Variants in CDH2 observed in about 807,000 individuals in gnomAD.
CDH2 encodes the protein cadherin 2.
Under a neutral mutation model 92.0 loss-of-function variants are expected in CDH2, and 17 were observed. That is an observed-to-expected ratio of 0.18 (90% CI 0.13 to 0.28). The LOEUF (loss-of-function observed/expected upper bound fraction) is 0.28, where lower values mean the gene tolerates loss of function less well. Among genes scored for constraint, CDH2 ranks in the 10% least tolerant of loss-of-function variants. The pLI is 1.00. For synonymous variants in CDH2, 419 were observed against 415.9 expected, an observed-to-expected ratio of 1.01 and a Z score of -0.09; for missense variants, 862 against 1,133.1, an observed-to-expected ratio of 0.76 and a Z score of 3.44.
intron 2 of CDH2, among the ~76,000 whole-genome samples, chr18:28,108,323 C>T (rs964289627): frequency 6.6e-6 from 1 of 152,178 alleles, no homozygotes; most frequent in Non-Finnish European, 1.5e-5. Flanking sequence ...AAACATTCTA[C>T]AGAAAAGCAT....
intron 2 of CDH2, among the ~76,000 whole-genome samples, chr18:28,042,271 T>C (rs1332234116): frequency 6.6e-6 from 1 of 152,182 alleles, no homozygotes; most frequent in Non-Finnish European, 1.5e-5. Context: ...GCATTGGAAT[T>C]AGGGAAATAA....
chr18:28,076,721 T>A (rs1208361907), intron 2 of CDH2, among the ~76,000 whole-genome samples: 1 of 125,958 alleles, frequency 7.9e-6, no homozygotes, highest in Admixed American at 9.5e-5. Flanking sequence ...CCCCGGTGTG[T>A]GATGTTCCCC....
intron 2 of CDH2, among the ~76,000 whole-genome samples, chr18:28,144,621 T>C (rs992357873): frequency 6.6e-6 from 1 of 151,872 alleles, no homozygotes; most frequent in African/African-American, 2.4e-5. Flanking sequence ...GCACTACATA[T>C]AAGAGAGGAA....
chr18:28,049,221 T>C (rs779398223), intron 2 of CDH2, among the ~76,000 whole-genome samples: 1 of 152,174 alleles, frequency 6.6e-6, no homozygotes, highest in South Asian at 2.1e-4. Context: ...AAGTGGCAAA[T>C]GGCAAATCCA....
intron 2 of CDH2, among the ~76,000 whole-genome samples, chr18:28,014,201 T>C (rs890453726): frequency 5.3e-5 from 8 of 152,210 alleles, no homozygotes; most frequent in Non-Finnish European, 7.4e-5. Flanking sequence ...CCTGACACCT[T>C]TCACTGGTAT....
chr18:28,177,126 A>T lies in CDH2; in HGVS notation c.-104T>A, dbSNP rs1294567501. 5.0e-6 allele frequency: 4 copies of T among 798,014 alleles called. No homozygotes were observed. Among genetic ancestry groups the T allele is most frequent in the Non-Finnish European group, 7.6e-6 (4 of 524,620 alleles). 49.4% of individuals were successfully genotyped at this position (798,014 alleles called of 1,614,324 possible). A position where few individuals can be genotyped will look rare whatever the true frequency, so the allele number is the denominator to read the frequency against. On this transcript the variant is annotated 5_prime_UTR_variant, in exon 1 of 16. Coordinates refer to ENST00000269141, the MANE Select transcript of CDH2 (RefSeq NM_001792.5). ...GCAGCACCAACAGCGGCGCGGAGAAACGGCTCCAGGCAGTTTCCACCCCCT... is the reference window on the plus strand; with the variant it reads ...GCAGCACCAACAGCGGCGCGGAGAATCGGCTCCAGGCAGTTTCCACCCCCT...
At chr18:28,008,693 G>A (rs1336248931) in intron 5 of CDH2, among the ~76,000 whole-genome samples, 1 of 151,696 alleles carries the variant, frequency 6.6e-6, no homozygotes, top group African/African-American at 2.4e-5. Context: ...ATGTATACAT[G>A]TGACAAACCT....
At chr18:28,044,615 C>T (rs536652900) in intron 2 of CDH2, among the ~76,000 whole-genome samples, 1 of 152,202 alleles carries the variant, frequency 6.6e-6, no homozygotes, top group South Asian at 2.1e-4. Context: ...TGCATACATG[C>T]CTTGCTTCCC....
intron 2 of CDH2, among the ~76,000 whole-genome samples, chr18:28,089,515 AT>A (rs1251857945): frequency 6.6e-6 from 1 of 152,090 alleles, no homozygotes; most frequent in African/African-American, 2.4e-5. Flanking sequence ...TTCCATAATC[AT>A]TTTTTTAACA....
chr18:28,145,570 GA>G (rs2016022815), intron 2 of CDH2, among the ~76,000 whole-genome samples: 1 of 151,982 alleles, frequency 6.6e-6, no homozygotes, highest in Admixed American at 6.6e-5. Flanking sequence ...ACTCCAAAAA[GA>G]TGTAAAAGGT....
chr18:28,131,230 AT>A (rs952808767), intron 2 of CDH2, among the ~76,000 whole-genome samples: 6 of 151,976 alleles, frequency 3.9e-5, no homozygotes, highest in African/African-American at 1.2e-4. Context: ...TATCATCTTG[AT>A]TTTTTTTCAA....
chr18:28,111,172 G>C (rs45612936), intron 2 of CDH2, among the ~76,000 whole-genome samples: 150 of 152,298 alleles, frequency 9.8e-4, no homozygotes, highest in Non-Finnish European at 1.9e-3. Context: ...AATGCTGCCA[G>C]GGAAGAAAAC....
chr18:28,061,219 G>A (rs189114551), intron 2 of CDH2, among the ~76,000 whole-genome samples: 72 of 152,114 alleles, frequency 4.7e-4, no homozygotes, highest in Admixed American at 2.9e-3. Context: ...TCATTATCTT[G>A]GTTTTGTTTT....
At chr18:28,047,598 G>A (rs1285712234) in intron 2 of CDH2, among the ~76,000 whole-genome samples, 4 of 152,124 alleles carry the variant, frequency 2.6e-5, no homozygotes, top group East Asian at 1.9e-4. Flanking sequence ...GCCGGGCGCG[G>A]TGGCTCACGC....
Position 27,951,712 on chromosome 18 carries a change from T to C in CDH2, c.*441A>G, listed in dbSNP as rs575048854. 6.4e-6 allele frequency: 1 copy of C among 157,444 alleles called. No individual in the cohort carries two copies. The highest frequency in any genetic ancestry group is 1.9e-4 in the South Asian group (1 of 5,274). 9.8% of individuals were successfully genotyped at this position (157,444 alleles called of 1,614,324 possible). A position where few individuals can be genotyped will look rare whatever the true frequency, so the allele number is the denominator to read the frequency against. ...TCATCCCCCAAGATAATAAAATCGC[T>C]CCATGAGTTTTTTTGTTTGTTTAAT... On this transcript the variant is annotated 3_prime_UTR_variant, in exon 16 of 16. Transcript: ENST00000269141.
chr18:28,045,674 C>T (rs1008439960), intron 2 of CDH2: 4 of 273,992 alleles, frequency 1.5e-5, no homozygotes, highest in Non-Finnish European at 1.4e-5. Flanking sequence ...AGCCCTCCCC[C>T]ACATGTGTGC....
At chr18:28,068,573 T>C (rs1306163726) in intron 2 of CDH2, among the ~76,000 whole-genome samples, 1 of 152,220 alleles carries the variant, frequency 6.6e-6, no homozygotes, top group Non-Finnish European at 1.5e-5. Context: ...GCAGATATTC[T>C]GTATTAAAAG....
intron 14 of CDH2, among the ~76,000 whole-genome samples, chr18:27,974,584 G>A (rs2011763092): frequency 6.6e-6 from 1 of 152,214 alleles, no homozygotes; most frequent in Admixed American, 6.5e-5. Flanking sequence ...GGGTTGGTAT[G>A]AGGTATTGCT....
At chr18:28,060,365 T>C (rs2014379033) in intron 2 of CDH2, among the ~76,000 whole-genome samples, 1 of 152,106 alleles carries the variant, frequency 6.6e-6, no homozygotes. Flanking sequence ...TTTCATATTT[T>C]TAGTAGAGAC....
Sources: gnomAD v4.1 joint callset for allele counts (sites outside exome capture counted in the v4.1 genomes callset) on GRCh38, gnomAD v4.1.1 for gene constraint, MANE v1.5 for transcripts, NCBI Gene and HGNC (gene_info 2026-07-23, HGNC 2026-07-21) for gene names.